The following DCC variants were observed in gnomAD, a reference collection of about 807,000 sequenced individuals.
DCC encodes netrin receptor DCC.
Under a neutral mutation model 172.5 loss-of-function variants are expected in DCC, and 58 were observed. That is an observed-to-expected ratio of 0.34 (90% CI 0.27 to 0.42). DCC has a LOEUF of 0.42. Among genes scored for constraint, DCC ranks in the 10% least tolerant of loss-of-function variants. The pLI is 1.00. For missense variants in DCC, 1,740 were observed against 1,791.0 expected (o/e 0.97, Z 0.51); for synonymous variants, 709 against 644.5 (o/e 1.10, Z -1.52).
chr18:52,898,469 A>G (rs1401423813), intron 2 of DCC, among the ~76,000 whole-genome samples: 2 of 152,094 alleles, frequency 1.3e-5, no homozygotes, highest in Admixed American at 1.3e-4. Context: ...CTTGAAAACT[A>G]AAGTACTTTA....
chr18:52,780,818 A>G (rs567955576), intron 2 of DCC, among the ~76,000 whole-genome samples: 24 of 152,196 alleles, frequency 1.6e-4, no homozygotes, highest in Non-Finnish European at 2.9e-5. Context: ...TGTTTTCTCA[A>G]TTTCCAAGCT....
At chr18:52,488,374 C>T (rs994187634) in intron 1 of DCC, among the ~76,000 whole-genome samples, 1 of 152,072 alleles carries the variant, frequency 6.6e-6, no homozygotes, top group Non-Finnish European at 1.5e-5. Flanking sequence ...AACAACGTAA[C>T]TGGGTTTTTT....
chr18:53,369,437 T>G (rs747864154), intron 15 of DCC, among the ~76,000 whole-genome samples: 1 of 151,842 alleles, frequency 6.6e-6, no homozygotes, highest in Non-Finnish European at 1.5e-5. Flanking sequence ...AACAATAAAA[T>G]TTTACTTCTT....
chr18:52,980,394 C>A (rs1174017290), intron 5 of DCC, among the ~76,000 whole-genome samples: 1 of 152,056 alleles, frequency 6.6e-6, no homozygotes, highest in Non-Finnish European at 1.5e-5. Context: ...GTCCTGTTCA[C>A]CTCTAGAAAT....
rs1490088357 is a variant in DCC at position 53,428,610 on chromosome 18, A to G, written c.3164-6534A>G. On this transcript the variant is annotated intron_variant, in intron 21 of 28. Transcript: ENST00000442544. ...ATATTTTTATATATAATTCATATATATTTTTATATATAATGTATATTTTAT... is the reference window on the plus strand; with the variant it reads ...ATATTTTTATATATAATTCATATATGTTTTTATATATAATGTATATTTTAT... Among the ~76,000 whole-genome samples, 10 of 30,374 alleles carry G rather than the reference A, an allele frequency of 3.3e-4. 2 individuals carry two copies. The highest frequency in any genetic ancestry group is 7.6e-4 in the African/African-American group (10 of 13,088). 19.9% of individuals were successfully genotyped at this position (30,374 alleles called of 152,430 possible).
chr18:53,397,606 C>T (rs1241062469), intron 18 of DCC, among the ~76,000 whole-genome samples, 160 bp downstream of exon 18: 1 of 152,102 alleles, frequency 6.6e-6, no homozygotes, highest in Non-Finnish European at 1.5e-5. Context: ...TAAGAGTATT[C>T]TCCTCACACT....
intron 1 of DCC, among the ~76,000 whole-genome samples, chr18:52,423,127 C>T (rs538730209): frequency 5.9e-5 from 9 of 152,256 alleles, no homozygotes; most frequent in Non-Finnish European, 5.9e-5. Context: ...TTACATGTGT[C>T]ATGCTCTGTA....
chr18:52,923,488 A>C (rs1172399003), intron 3 of DCC, among the ~76,000 whole-genome samples: 1 of 152,152 alleles, frequency 6.6e-6, no homozygotes, highest in Admixed American at 6.6e-5. Context: ...AATAGCCTCA[A>C]GCTGATGCCC....
At chr18:52,470,673 C>T (rs544019659) in intron 1 of DCC, among the ~76,000 whole-genome samples, 11 of 152,280 alleles carry the variant, frequency 7.2e-5, no homozygotes, top group East Asian at 1.9e-4. Context: ...ACTTCCTGTA[C>T]GAGTGTCCCC....
chr18:52,514,707 A>G (rs1246277120), intron 1 of DCC, among the ~76,000 whole-genome samples: 1 of 152,258 alleles, frequency 6.6e-6, no homozygotes, highest in Non-Finnish European at 1.5e-5. Context: ...TTTTCCAGGC[A>G]TAAGAATAGA....
chr18:52,809,812 G>A (rs1244823591), intron 2 of DCC, among the ~76,000 whole-genome samples: 1 of 152,090 alleles, frequency 6.6e-6, no homozygotes, highest in South Asian at 2.1e-4. Context: ...CGAATGCCTG[G>A]GGTTTATATC....
At chr18:53,366,828 C>A (rs1207465139) in intron 15 of DCC, among the ~76,000 whole-genome samples, 2 of 152,176 alleles carry the variant, frequency 1.3e-5, no homozygotes, top group African/African-American at 2.4e-5. Context: ...CGGCCTTGCC[C>A]ACTCACAGAA....
Position 53,331,985 on chromosome 18 carries a change from G to A in DCC, c.2165-7728G>A, listed in dbSNP as rs559541767. On this transcript the variant is annotated intron_variant, in intron 14 of 28. Transcript: ENST00000442544. ...AAAGGCAAGTGTACAAAGGTGCAGA[G>A]AGGATGTGGATTCTGGTGAATTATT... 6.6e-5 allele frequency among the ~76,000 whole-genome samples: 10 copies of A among 152,304 alleles called. No homozygotes were observed. The South Asian group carries it at 1.2e-3, about 19-fold the overall frequency.
intron 12 of DCC, among the ~76,000 whole-genome samples, chr18:53,290,511 G>T (rs893527802): frequency 5.9e-5 from 9 of 151,948 alleles, no homozygotes; most frequent in African/African-American, 2.2e-4. Context: ...TAATTACATG[G>T]TACATCGTGT....
At chr18:52,734,389 C>T (rs1193440159) in intron 1 of DCC, among the ~76,000 whole-genome samples, 3 of 152,112 alleles carry the variant, frequency 2.0e-5, no homozygotes, top group Non-Finnish European at 2.9e-5. Context: ...GTATCATACA[C>T]GTTTTTTTGT....
intron 7 of DCC, among the ~76,000 whole-genome samples, chr18:53,133,956 G>T (rs546615489): frequency 3.3e-5 from 5 of 152,238 alleles, no homozygotes; most frequent in African/African-American, 1.2e-4. Context: ...TGAGAGGAGA[G>T]ACCATGAATT....
At chr18:53,508,801 C>T (rs572095376) in intron 27 of DCC, among the ~76,000 whole-genome samples, 20 of 152,294 alleles carry the variant, frequency 1.3e-4, no homozygotes, top group African/African-American at 4.8e-4. Context: ...GTCTGAATGT[C>T]GTTCCCTTAG....
At chr18:52,650,523 CTGT>C (rs1370714273) in intron 1 of DCC, among the ~76,000 whole-genome samples, 1 of 152,150 alleles carries the variant, frequency 6.6e-6, no homozygotes, top group East Asian at 1.9e-4. Flanking sequence ...TTGCCAACCT[CTGT>C]TTTTTTTGTC....
chr18:52,484,731 C>T (rs1232491020), intron 1 of DCC, among the ~76,000 whole-genome samples: 1 of 151,708 alleles, frequency 6.6e-6, no homozygotes, highest in Non-Finnish European at 1.5e-5. Context: ...CTTGCTGCAC[C>T]TATCAAACCA....
Sources: allele counts gnomAD v4.1 joint callset (sites outside exome capture counted in the v4.1 genomes callset), GRCh38; gene constraint gnomAD v4.1.1; transcripts MANE v1.5; gene names NCBI Gene and HGNC (gene_info 2026-07-23, HGNC 2026-07-21).